Variants in PSD3 observed in about 807,000 individuals in gnomAD.
The protein encoded by PSD3 is pleckstrin and Sec7 domain containing 3, also known as PH and SEC7 domain-containing protein 3.
Under a neutral mutation model 105.5 loss-of-function variants are expected in PSD3, and 49 were observed. That is an observed-to-expected ratio of 0.46 (90% CI 0.37 to 0.59). The LOEUF (loss-of-function observed/expected upper bound fraction) is 0.59. Ranked by LOEUF, PSD3 falls within the 20% of genes least tolerant of loss-of-function variation. PSD3 has a pLI of 0.00. For missense variants in PSD3, 1,561 were observed against 1,263.8 expected, an observed-to-expected ratio of 1.24 and a Z score of -3.57; for synonymous variants, 557 against 457.8, an observed-to-expected ratio of 1.22 and a Z score of -2.77.
chr8:18,986,459 C>G (rs900948443), intron 1 of PSD3, among the ~76,000 whole-genome samples: 1 of 151,398 alleles, frequency 6.6e-6, no homozygotes, highest in East Asian at 1.9e-4. Flanking sequence ...AAGATACACT[C>G]AAGGATCAGG....
chr8:19,003,508 G>A (rs1000758898), intron 1 of PSD3, among the ~76,000 whole-genome samples: 1 of 152,006 alleles, frequency 6.6e-6, no homozygotes, highest in Non-Finnish European at 1.5e-5. Context: ...TAGAGATTAT[G>A]TAAAATGTTT....
At chr8:18,727,916 A>T (rs985352450) in intron 9 of PSD3, among the ~76,000 whole-genome samples, 1 of 152,166 alleles carries the variant, frequency 6.6e-6, no homozygotes, top group Non-Finnish European at 1.5e-5. Flanking sequence ...ACTTATATTT[A>T]ACCCATTTTT....
intron 9 of PSD3, among the ~76,000 whole-genome samples, chr8:18,717,366 T>G (rs1430393751): frequency 6.6e-6 from 1 of 152,200 alleles, no homozygotes; most frequent in African/African-American, 2.4e-5. Context: ...GTTCTTGCTA[T>G]AAGTACATGC....
At chr8:18,558,474 T>G (rs1801208426) in intron 14 of PSD3, among the ~76,000 whole-genome samples, 1 of 152,208 alleles carries the variant, frequency 6.6e-6, no homozygotes, top group Non-Finnish European at 1.5e-5. Flanking sequence ...ATGTACGTGC[T>G]CATCTCATTC....
In PSD3 at chr8:18,755,906, C is replaced by T. The variant is rs939234672; in HGVS notation, c.2172+9543G>A. Among the ~76,000 whole-genome samples, 35 of 152,056 alleles carry T rather than the reference C, an allele frequency of 2.3e-4. 1 individual carries two copies. Among genetic ancestry groups the T allele is most frequent in the African/African-American group, 8.0e-4 (33 of 41,410 alleles). On this transcript the variant is annotated intron_variant, in intron 9 of 15. Transcript: ENST00000327040. ...ATTCTGCCCATGATGAGCACGTGAT[C>T]GAAAGCGAAAGCAGGCTGCCAGACC...
At chr8:18,566,608 G>A (rs1252769836) in intron 14 of PSD3, among the ~76,000 whole-genome samples, 5 of 151,756 alleles carry the variant, frequency 3.3e-5, no homozygotes, top group African/African-American at 1.2e-4. Flanking sequence ...GGCCCACAAA[G>A]CAAATGCTGG....
chr8:18,823,505 C>G (rs1484192118), intron 4 of PSD3, among the ~76,000 whole-genome samples: 1 of 152,088 alleles, frequency 6.6e-6, no homozygotes, highest in East Asian at 1.9e-4. Context: ...TATTGATGAT[C>G]AAACCGCCTT....
intron 4 of PSD3, among the ~76,000 whole-genome samples, chr8:18,818,258 G>A (rs1586116335): frequency 2.6e-5 from 4 of 151,998 alleles, no homozygotes; most frequent in East Asian, 1.9e-4. Context: ...TCCAGCCTAC[G>A]TTACCTTTAT....
chr8:18,633,622 C>T (rs1041149194), intron 10 of PSD3, among the ~76,000 whole-genome samples: 7 of 152,022 alleles, frequency 4.6e-5, no homozygotes, highest in Admixed American at 2.6e-4. Flanking sequence ...TAGTATTCCA[C>T]GGTGTGTATG....
intron 13 of PSD3, among the ~76,000 whole-genome samples, chr8:18,572,963 C>T (rs10503617): frequency 0.17 from 26,558 of 152,072 alleles, 2,940 homozygotes; most frequent in East Asian, 0.35. Flanking sequence ...CTGTTTGATA[C>T]GAGGCTAGGC....
intron 1 of PSD3, among the ~76,000 whole-genome samples, chr8:19,074,612 T>TATATATATATATA (rs1491425890): frequency 3.8e-3 from 41 of 10,892 alleles, no homozygotes; most frequent in East Asian, 0.019. Context: ...TATATATATA[T>TATATATATATATA]TTTTTTTTTT....
At chr8:19,078,617 T>C (rs1829535599) in intron 1 of PSD3, among the ~76,000 whole-genome samples, 1 of 152,022 alleles carries the variant, frequency 6.6e-6, no homozygotes, top group Admixed American at 6.6e-5. Flanking sequence ...TGTAACCATC[T>C]TCAGGATCTC....
intron 2 of PSD3, among the ~76,000 whole-genome samples, chr8:18,913,074 CACACACACACAA>C (rs1286348381): frequency 8.7e-4 from 116 of 133,020 alleles, no homozygotes; most frequent in African/African-American, 2.7e-3. Flanking sequence ...TATAAACACA[CACACACACACAA>C]ACACACACAC....
chr8:18,590,795 A>T (rs1026271343), intron 12 of PSD3, among the ~76,000 whole-genome samples: 1 of 152,216 alleles, frequency 6.6e-6, no homozygotes, highest in African/African-American at 2.4e-5. Context: ...TAAATGATCT[A>T]GGGACAGAAG....
intron 15 of PSD3, among the ~76,000 whole-genome samples, chr8:18,547,653 A>G (rs1800526711): frequency 6.6e-6 from 1 of 152,186 alleles, no homozygotes; most frequent in African/African-American, 2.4e-5. Context: ...TGAGGGGCAT[A>G]AGTGGCAGGT....
chr8:18,634,715 T>TATCCC (rs1190347415), intron 10 of PSD3, among the ~76,000 whole-genome samples: 2 of 152,156 alleles, frequency 1.3e-5, no homozygotes, highest in African/African-American at 4.8e-5. Flanking sequence ...TTCTCATGAC[T>TATCCC]GGATAGACGT....
chr8:18,613,907 T>C (rs1468099419), intron 11 of PSD3, among the ~76,000 whole-genome samples: 80 of 152,210 alleles, frequency 5.3e-4, no homozygotes, highest in Admixed American at 5.2e-3. Flanking sequence ...ACTATGGACT[T>C]GTGCTAAGCC....
chr8:19,082,695 G>A lies in PSD3; in HGVS notation c.324+1511C>T, dbSNP rs188783934. On this transcript the variant is annotated intron_variant, in intron 1 of 1. Coordinates refer to the PSD3 transcript ENST00000521475. ...TCAGCTTATCCCCCGAAGGCGGGAG[G>A]GGAGAGTGGGAAAAGATGGGGTTTT... 1.2e-4 allele frequency among the ~76,000 whole-genome samples: 18 copies of A among 152,330 alleles called. No homozygotes were observed. In the East Asian group the frequency reaches 3.1e-3, roughly 26 times the overall value.
At chr8:18,556,436 T>A in intron 14 of PSD3, 84 bp from the exon 15 acceptor site, 1 of 1,422,490 alleles carries the variant, frequency 7.0e-7, no homozygotes, top group Non-Finnish European at 9.6e-7. Flanking sequence ...AAATCCCCTG[T>A]GCTGAATGAC....
Sources: gnomAD v4.1 joint callset for allele counts (sites outside exome capture counted in the v4.1 genomes callset) on GRCh38, gnomAD v4.1.1 for gene constraint, MANE v1.5 for transcripts, NCBI Gene and HGNC (gene_info 2026-07-23, HGNC 2026-07-21) for gene names.